CNTN5: variants seen among roughly 807,000 people sequenced by gnomAD.
CNTN5 encodes contactin 5.
A neutral mutation model predicts 129.1 loss-of-function variants in CNTN5; 77 were observed. That is an observed-to-expected ratio of 0.60 (90% CI 0.50 to 0.72). The LOEUF is 0.72. Ranked by LOEUF, CNTN5 falls within the 30% of genes least tolerant of loss-of-function variation. The pLI is 0.00. For synonymous variants in CNTN5, 509 were observed against 465.6 expected (o/e 1.09, Z -1.20); for missense variants, 1,478 against 1,328.8 (o/e 1.11, Z -1.75).
intron 9 of CNTN5, among the ~76,000 whole-genome samples, chr11:100,048,513 A>G (rs1375826605): frequency 6.6e-6 from 1 of 152,168 alleles, no homozygotes; most frequent in Non-Finnish European, 1.5e-5. Context: ...GAAAACATCA[A>G]TATAATCAAG....
At chr11:100,313,489 T>C (rs985296370) in intron 21 of CNTN5, among the ~76,000 whole-genome samples, 6 of 151,512 alleles carry the variant, frequency 4.0e-5, no homozygotes, top group Admixed American at 3.3e-4. Flanking sequence ...AAAGAACAGA[T>C]TTGAAGCTAG....
At chr11:99,284,077 A>T (rs1213185289) in intron 1 of CNTN5, among the ~76,000 whole-genome samples, 2 of 152,148 alleles carry the variant, frequency 1.3e-5, no homozygotes, top group Non-Finnish European at 1.5e-5. Context: ...CTCTATACAC[A>T]TTCCAAGATT....
chr11:99,251,149 A>G (rs1017521235), intron 1 of CNTN5, among the ~76,000 whole-genome samples: 17 of 151,950 alleles, frequency 1.1e-4, no homozygotes, highest in Non-Finnish European at 1.8e-4. Flanking sequence ...AAAGCTCTGC[A>G]TATTGGAAAC....
chr11:99,103,785 G>A (rs1018150218), intron 1 of CNTN5, among the ~76,000 whole-genome samples: 1 of 150,156 alleles, frequency 6.7e-6, no homozygotes, highest in African/African-American at 2.4e-5. Context: ...AAAAGATGTA[G>A]ATAGAGAAAG....
intron 3 of CNTN5, among the ~76,000 whole-genome samples, chr11:99,797,726 G>T (rs771859383): frequency 6.6e-6 from 1 of 151,978 alleles, no homozygotes; most frequent in Non-Finnish European, 1.5e-5. Flanking sequence ...CCGTTCTGCA[G>T]GTTGTTTACT....
intron 1 of CNTN5, among the ~76,000 whole-genome samples, chr11:99,287,706 T>C (rs1284333389): frequency 6.6e-6 from 1 of 152,010 alleles, no homozygotes; most frequent in East Asian, 1.9e-4. Context: ...TGCATACGAT[T>C]AGGAGCCAAT....
chr11:99,780,534 G>A (rs1945276921), intron 3 of CNTN5, among the ~76,000 whole-genome samples: 1 of 151,988 alleles, frequency 6.6e-6, no homozygotes. Flanking sequence ...GCACTCAAAA[G>A]GGCAAGTAAG....
At chr11:99,578,633 A>C (rs1270970878) in intron 3 of CNTN5, among the ~76,000 whole-genome samples, 1 of 149,168 alleles carries the variant, frequency 6.7e-6, no homozygotes, top group Non-Finnish European at 1.5e-5. Context: ...TCTTCTTTTG[A>C]GAAGTGTCTG....
At chr11:100,308,573 G>A in intron 21 of CNTN5, 105 bp downstream of exon 21, 2 of 1,433,466 alleles carry the variant, frequency 1.4e-6, no homozygotes, top group South Asian at 3.1e-5. Flanking sequence ...GAATTTCTTA[G>A]AAATTTTGCT....
intron 9 of CNTN5, among the ~76,000 whole-genome samples, chr11:100,015,114 A>C (rs1272794558): frequency 6.6e-6 from 1 of 152,190 alleles, no homozygotes; most frequent in African/African-American, 2.4e-5. Flanking sequence ...TAAGTCATTT[A>C]TCAATGTAAT....
chr11:99,828,555 A>C (rs1330970333), intron 4 of CNTN5, among the ~76,000 whole-genome samples: 4 of 152,192 alleles, frequency 2.6e-5, no homozygotes, highest in Non-Finnish European at 5.9e-5. Context: ...CTTTTAATAT[A>C]AATTTTAAAG....
chr11:100,309,284 A>T (rs923130585), intron 21 of CNTN5: 4 of 983,274 alleles, frequency 4.1e-6, no homozygotes, highest in Non-Finnish European at 4.8e-6. Flanking sequence ...TTGAACAATG[A>T]TCAAGTATAG....
At chr11:99,085,839 C>T (rs142326450) in intron 1 of CNTN5, among the ~76,000 whole-genome samples, 71 of 152,284 alleles carry the variant, frequency 4.7e-4, no homozygotes, top group African/African-American at 1.6e-3. Context: ...ATTCCCCCCT[C>T]CTAGTGACAT....
chr11:99,088,301 T>C (rs1866084348), intron 1 of CNTN5, among the ~76,000 whole-genome samples: 1 of 152,158 alleles, frequency 6.6e-6, no homozygotes, highest in African/African-American at 2.4e-5. Flanking sequence ...CAAGCAATCA[T>C]TGCAATTACA....
intron 9 of CNTN5, among the ~76,000 whole-genome samples, chr11:100,040,751 C>A (rs1427108675): frequency 2.0e-5 from 3 of 152,220 alleles, no homozygotes; most frequent in African/African-American, 7.2e-5. Flanking sequence ...GAGCGAGACT[C>A]TGTGGGCGTA....
intron 2 of CNTN5, among the ~76,000 whole-genome samples, chr11:99,390,133 T>TC (rs1314161623): frequency 6.6e-6 from 1 of 151,238 alleles, no homozygotes; most frequent in African/African-American, 2.4e-5. Flanking sequence ...AAATAAGCCT[T>TC]TTTTTTTTGT....
At chr11:100,248,542 TC>T (rs1284623984) in intron 16 of CNTN5, among the ~76,000 whole-genome samples, 1 of 151,802 alleles carries the variant, frequency 6.6e-6, no homozygotes, top group Non-Finnish European at 1.5e-5. Context: ...TGAGACCATG[TC>T]TCTAAAAAAA....
chr11:99,130,551 T>C (rs116748186), intron 1 of CNTN5, among the ~76,000 whole-genome samples: 2,050 of 152,124 alleles, frequency 0.013, 50 homozygotes, highest in African/African-American at 0.046. Context: ...TATGAGATCA[T>C]TGAAACAGAA....
intron 2 of CNTN5, among the ~76,000 whole-genome samples, chr11:99,523,861 A>G (rs1380392149): frequency 1.3e-5 from 2 of 152,166 alleles, no homozygotes; most frequent in African/African-American, 2.4e-5. Context: ...TACTGAGCGC[A>G]TGCTGATGTT....
Sources: gnomAD v4.1 joint callset for allele counts (sites outside exome capture counted in the v4.1 genomes callset) on GRCh38, gnomAD v4.1.1 for gene constraint, MANE v1.5 for transcripts, NCBI Gene and HGNC (gene_info 2026-07-23, HGNC 2026-07-21) for gene names.